Variants in CD86 observed in about 807,000 individuals in gnomAD.
The protein encoded by CD86 is CD86 molecule.
Under a neutral mutation model 32.1 loss-of-function variants are expected in CD86, and 11 were observed. The observed-to-expected ratio is 0.34, with a 90% confidence interval of 0.22 to 0.57. The LOEUF (loss-of-function observed/expected upper bound fraction) is 0.57, where lower values mean the gene tolerates loss of function less well. Ranked by LOEUF, CD86 falls within the 20% of genes least tolerant of loss-of-function variation. The probability of loss-of-function intolerance (pLI) is 0.86; values close to 1 mark genes in which losing one functional copy is unlikely to be tolerated. For synonymous variants in CD86, 137 were observed against 135.3 expected, an observed-to-expected ratio of 1.01 and a Z score of -0.09; for missense variants, 359 against 398.4, an observed-to-expected ratio of 0.90 and a Z score of 0.84.
rs552500115 is a variant in CD86, at chr3:122,119,602, T to A, written c.*68T>A. On this transcript the variant is annotated 3_prime_UTR_variant, in exon 7 of 7. Coordinates refer to ENST00000330540, the MANE Select transcript of CD86 (RefSeq NM_175862.5). The stretch of plus-strand genomic sequence containing the variant: ...TTCCTTTGTAAGTTCCTGGGCAACC[T>A]TTTTGATTTCTTCCAGAAGGCAAAA... 29 of 999,394 alleles carry A rather than the reference T, an allele frequency of 2.9e-5. No homozygotes were observed. In the African/African-American group the frequency reaches 4.7e-4, roughly 16 times the overall value. 61.9% of individuals were successfully genotyped at this position (999,394 alleles called of 1,614,324 possible). A position where few individuals can be genotyped will look rare whatever the true frequency, so the allele number is the denominator to read the frequency against.
intron 2 of CD86, 22 bp from the exon 3 acceptor site, chr3:122,103,490 A>C (rs1411054587): frequency 3.2e-6 from 5 of 1,552,796 alleles, no homozygotes; most frequent in Non-Finnish European, 4.4e-6. Flanking sequence ...CTCCCTCCCT[A>C]ATCCTTAACC....
intron 3 of CD86, among the ~76,000 whole-genome samples, chr3:122,105,310 G>T (rs3804588): frequency 0.076 from 11,576 of 152,276 alleles, 573 homozygotes; most frequent in Non-Finnish European, 0.11. Context: ...ACCTTCTACA[G>T]GCCACATAGA....
chr3:122,116,820 A>G (rs571136996), intron 5 of CD86, among the ~76,000 whole-genome samples: 43 of 152,340 alleles, frequency 2.8e-4, no homozygotes, highest in African/African-American at 9.9e-4. Flanking sequence ...AATTTCATGT[A>G]TATGAAATTT....
At chr3:122,058,052 C>T (rs961955762) in intron 1 of CD86, among the ~76,000 whole-genome samples, 1 of 152,082 alleles carries the variant, frequency 6.6e-6, no homozygotes, top group Non-Finnish European at 1.5e-5. Context: ...GGTAATATGT[C>T]GTAAAGTAGT....
At chr3:122,114,820 T>C (rs1383178534) in intron 5 of CD86, among the ~76,000 whole-genome samples, 2 of 152,184 alleles carry the variant, frequency 1.3e-5, no homozygotes, top group African/African-American at 4.8e-5. Context: ...TTCATAGTTT[T>C]AAATGGAAAG....
chr3:122,109,347 T>G lies in CD86; in HGVS notation c.786T>G (p.Val262=). Residue 262 remains valine, a synonymous_variant, in exon 5 of 7, where the codon GTT becomes GTG. Coordinates refer to ENST00000330540, the MANE Select transcript of CD86 (RefSeq NM_175862.5). ...CAACAGTTATTATATGTGTGATGGT[T>G]TTCTGTCTAATTCTATGGAAATGGA... The part of the protein sequence containing the change: ...VLPTVIICVM[V]FCLILWKWKK... The G allele has an allele frequency of 6.2e-7, 1 of 1,614,156 alleles. No homozygotes were observed. The highest frequency in any genetic ancestry group is 1.1e-5 in the South Asian group (1 of 91,082).
In CD86 at chr3:122,069,600, AGTTGTGAGCC is replaced by A. The variant is rs572630803; in HGVS notation, c.14+14098_14+14107del. Among the ~76,000 whole-genome samples the A allele has an allele frequency of 1.5e-3, 229 of 152,218 alleles. 1 individual carries two copies. Among genetic ancestry groups the A allele is most frequent in the African/African-American group, 5.2e-3 (214 of 41,508 alleles). On this transcript the variant is annotated intron_variant, in intron 1 of 6. Coordinates refer to ENST00000330540, the MANE Select transcript of CD86 (RefSeq NM_175862.5). The stretch of plus-strand genomic sequence containing the variant: ...CTTTAGTGTCCATGTCCATGGGGTG[AGTTGTGAGCC>A]CATCAGTTTCCCACACTACAGTCCT...
At chr3:122,078,607 A>C (rs1255405284) in intron 1 of CD86, among the ~76,000 whole-genome samples, 1 of 152,208 alleles carries the variant, frequency 6.6e-6, no homozygotes, top group Non-Finnish European at 1.5e-5. Flanking sequence ...CCAGAGACCA[A>C]GATCTAATTT....
chr3:122,093,923 G>A lies in CD86; in HGVS notation c.64+2273G>A, dbSNP rs118165190. On this transcript the variant is annotated intron_variant, in intron 2 of 6. Coordinates refer to ENST00000330540, the MANE Select transcript of CD86 (RefSeq NM_175862.5). ...ACCCAGCAATGTAGATTTAGCATTC[G>A]TTCACTTGACTCTTCTCCTAACTCT... is the stretch of plus-strand genomic sequence containing the variant. Among the ~76,000 whole-genome samples the A allele has an allele frequency of 1.8e-4, 28 of 152,308 alleles. No homozygotes were observed. The East Asian group carries it at 4.4e-3, about 24-fold the overall frequency.
At chr3:122,071,622 C>G (rs2072489487) in intron 1 of CD86, among the ~76,000 whole-genome samples, 1 of 152,066 alleles carries the variant, frequency 6.6e-6, no homozygotes, top group Admixed American at 6.6e-5. Flanking sequence ...AGTAAATATA[C>G]CTAGAAGTGT....
chr3:122,119,514 A>G lies in CD86; in HGVS notation c.970A>G (p.Lys324Glu). 1.2e-6 allele frequency: 2 copies of G among 1,600,494 alleles called. No homozygotes were observed. The highest frequency in any genetic ancestry group is 2.2e-5 in the South Asian group (2 of 90,702). ...AAGTTCGAAGACATCTTCATGCGAC[A>G]AAAGTGATACATGTTTTTAATTAAA... ...FKSSKTSSCD[K>E]SDTCF is the part of the protein sequence containing the mutation. Residue 324 changes from lysine to glutamate, a missense_variant, in exon 7 of 7, where the codon AAA (lysine) becomes GAA (glutamate). Transcript: ENST00000330540.
intron 4 of CD86, among the ~76,000 whole-genome samples, chr3:122,106,840 G>GTACACACACACACACA (rs139332245): frequency 2.1e-5 from 3 of 143,476 alleles, no homozygotes; most frequent in African/African-American, 7.8e-5. Context: ...ACATGCGCTT[G>GTACACACACACACACA]CACACACACA....
At chr3:122,102,669 A>C (rs902478328) in intron 2 of CD86, among the ~76,000 whole-genome samples, 1 of 152,020 alleles carries the variant, frequency 6.6e-6, no homozygotes, top group Non-Finnish European at 1.5e-5. Flanking sequence ...AATACTCCCA[A>C]AGCACATCCT....
chr3:122,101,050 T>C lies in CD86; in HGVS notation c.65-2462T>C, dbSNP rs945765515. Among the ~76,000 whole-genome samples the C allele has an allele frequency of 4.6e-5, 7 of 152,160 alleles. 1 individual carries two copies. Among genetic ancestry groups the C allele is most frequent in the African/African-American group, 1.7e-4 (7 of 41,430 alleles). On this transcript the variant is annotated intron_variant, in intron 2 of 6. Coordinates refer to ENST00000330540, the MANE Select transcript of CD86 (RefSeq NM_175862.5). ...GAAGCCAGTGGTTGGTGAGGTGCTATGGAGTATAAATTGCAAAATACTTTC... is the reference window on the plus strand; with the variant it reads ...GAAGCCAGTGGTTGGTGAGGTGCTACGGAGTATAAATTGCAAAATACTTTC...
At chr3:122,086,619 TA>T in intron 1 of CD86, 1 of 477,344 alleles carries the variant, frequency 2.1e-6, no homozygotes. Flanking sequence ...CTGTCCAGGT[TA>T]AAGTGGAGAA....
chr3:122,063,618 AGAGTCTCACTCAC>A (rs2072370255), intron 1 of CD86, among the ~76,000 whole-genome samples: 1 of 149,774 alleles, frequency 6.7e-6, no homozygotes, highest in African/African-American at 2.5e-5. Flanking sequence ...TTTTAAAGAC[AGAGTCTCACTCAC>A]GTTGTCACCT....
chr3:122,102,480 C>A (rs1267028940), intron 2 of CD86, among the ~76,000 whole-genome samples: 4 of 123,624 alleles, frequency 3.2e-5, no homozygotes, highest in Non-Finnish European at 6.3e-5. Flanking sequence ...CCTACACAAA[C>A]CCCGTGATCA....
intron 5 of CD86, among the ~76,000 whole-genome samples, chr3:122,113,094 C>T (rs2073200003): frequency 6.6e-6 from 1 of 152,214 alleles, no homozygotes; most frequent in South Asian, 2.1e-4. Flanking sequence ...TCAGTGAAAA[C>T]ATACAATATT....
intron 1 of CD86, among the ~76,000 whole-genome samples, chr3:122,073,694 C>T (rs2072520094): frequency 6.6e-6 from 1 of 151,868 alleles, no homozygotes; most frequent in Non-Finnish European, 1.5e-5. Flanking sequence ...AATTGTGCAG[C>T]AGGGCTGGGA....
Sources: allele counts gnomAD v4.1 joint callset (sites outside exome capture counted in the v4.1 genomes callset), GRCh38; gene constraint gnomAD v4.1.1; transcripts MANE v1.5; gene names NCBI Gene and HGNC (gene_info 2026-07-23, HGNC 2026-07-21).